Variants in C10orf71 observed in about 807,000 individuals in gnomAD.
C10orf71 encodes the protein cardiac-enriched FHL2-interacting protein.
For synonymous variants in C10orf71, 758 were observed against 726.3 expected (o/e 1.04, Z -0.70); for missense variants, 1,869 against 1,804.5 (o/e 1.04, Z -0.65).
Position 49,325,462 on chromosome 10 carries a change from C to T in C10orf71, c.2917C>T (p.Pro973Ser). Reference protein sequence around the residue: ...LVGEGDRVKAPPDAAPGLVAS... With the variant: ...LVGEGDRVKASPDAAPGLVAS... Reference sequence around the variant, plus strand: ...GGGAGAGGGGGACCGGGTGAAGGCACCACCAGATGCTGCACCTGGCCTCGT... The same window carrying T: ...GGGAGAGGGGGACCGGGTGAAGGCATCACCAGATGCTGCACCTGGCCTCGT... The change falls in exon 3 of 3, where the codon CCA becomes TCA. Residue 973 changes from proline (P) to serine (S), a missense_variant. By Grantham distance (74) the Pro-to-Ser change is moderately conservative. Coordinates refer to ENST00000374144, the MANE Select transcript of C10orf71 (RefSeq NM_001135196.2). 2 of 1,550,446 alleles carry T rather than the reference C, an allele frequency of 1.3e-6. No homozygotes were observed. Among genetic ancestry groups the T allele is most frequent in the Non-Finnish European group, 8.7e-7 (1 of 1,146,118 alleles).
intron 1 of C10orf71, among the ~76,000 whole-genome samples, chr10:49,311,048 C>T (rs532707577): frequency 5.9e-5 from 9 of 152,164 alleles, no homozygotes; most frequent in African/African-American, 2.2e-4. Context: ...TGTGCAGTGT[C>T]CCCAGGACCA....
intron 1 of C10orf71, among the ~76,000 whole-genome samples, chr10:49,301,144 G>A (rs1848722186): frequency 6.6e-6 from 1 of 152,158 alleles, no homozygotes; most frequent in Non-Finnish European, 1.5e-5. Flanking sequence ...GAACTGGGCC[G>A]TCTTCCTCAT....
intron 2 of C10orf71, among the ~76,000 whole-genome samples, chr10:49,319,741 CA>C (rs1849063603): frequency 1.3e-5 from 1 of 74,638 alleles, no homozygotes; most frequent in South Asian, 4.8e-4. Context: ...TATACACATA[CA>C]TATATGTGGG....
chr10:49,304,287 G>T (rs1223599154), intron 1 of C10orf71, among the ~76,000 whole-genome samples: 1 of 152,202 alleles, frequency 6.6e-6, no homozygotes, highest in South Asian at 2.1e-4. Context: ...GAGAGACCTG[G>T]CCCTGAATCC....
In C10orf71 at chr10:49,325,513, G is replaced by T. The variant is rs1469885083; in HGVS notation, c.2968G>T (p.Ala990Ser). 6.4e-7 allele frequency: 1 copy of T among 1,550,974 alleles called. No individual in the cohort carries two copies. The highest frequency in any genetic ancestry group is 8.7e-7 in the Non-Finnish European group (1 of 1,146,462). ...LVASNCKSGSADSGKLAAPWH... is the reference protein window; with the variant it reads ...LVASNCKSGSSDSGKLAAPWH... ...GGCAAGCAATTGCAAGAGCGGTTCT[G>T]CAGACTCAGGGAAGCTGGCAGCCCC... The change falls in exon 3 of 3, where the codon GCA becomes TCA. Residue 990 changes from alanine to serine, a missense_variant. Ala to Ser is a moderately conservative substitution (Grantham distance 99, BLOSUM62 1). Coordinates refer to ENST00000374144, the MANE Select transcript of C10orf71 (RefSeq NM_001135196.2).
At chr10:49,301,777 C>A (rs926117803) in intron 1 of C10orf71, among the ~76,000 whole-genome samples, 1 of 152,218 alleles carries the variant, frequency 6.6e-6, no homozygotes, top group African/African-American at 2.4e-5. Context: ...ATCCCAACAA[C>A]CAATCAACCA....
Position 49,324,968 on chromosome 10 carries a change from C to G in C10orf71, c.2423C>G (p.Ser808Cys), listed in dbSNP as rs1849191462. The G allele has an allele frequency of 1.9e-6, 3 of 1,550,840 alleles. No individual in the cohort carries two copies. Residue 808 changes from serine (S) to cysteine (C), a missense_variant, in exon 3 of 3, where the codon TCT becomes TGT. Coordinates refer to ENST00000374144, the MANE Select transcript of C10orf71 (RefSeq NM_001135196.2). ...TTGCAAAGAGAAAGGGAAAGTGTGT[C>G]TGGAGGAAGAACCAGGAAGGCATCA... ...EALQRERESV[S>C]GGRTRKASAE...
At chr10:49,303,350 C>T (rs542610110) in intron 1 of C10orf71, among the ~76,000 whole-genome samples, 1 of 152,264 alleles carries the variant, frequency 6.6e-6, no homozygotes, top group East Asian at 1.9e-4. Flanking sequence ...CTGAACCAGG[C>T]TCAGGACAAG....
chr10:49,309,383 G>C (rs546812805), intron 1 of C10orf71, among the ~76,000 whole-genome samples: 4 of 152,276 alleles, frequency 2.6e-5, no homozygotes, highest in Admixed American at 2.6e-4. Flanking sequence ...TCTCTCTGCT[G>C]TATGAGAATA....
Position 49,326,693 on chromosome 10 carries a change from A to C in C10orf71, c.4148A>C (p.Gln1383Pro). Reference protein sequence around the residue: ...RTQSVHESGLQLDPGPHGDCT... With the variant: ...RTQSVHESGLPLDPGPHGDCT... Reference sequence around the variant, plus strand: ...CAGAGTGTCCACGAGTCTGGACTACAGCTGGACCCAGGGCCTCACGGTGAC... The same window carrying C: ...CAGAGTGTCCACGAGTCTGGACTACCGCTGGACCCAGGGCCTCACGGTGAC... The change falls in exon 3 of 3, where the codon CAG becomes CCG. Residue 1383 changes from glutamine (Q) to proline (P), a missense_variant. Gln to Pro is a moderately conservative substitution (Grantham distance 76, BLOSUM62 -1). Coordinates refer to ENST00000374144, the MANE Select transcript of C10orf71 (RefSeq NM_001135196.2). The C allele has an allele frequency of 6.4e-7, 1 of 1,551,098 alleles. No homozygotes were observed. The highest frequency in any genetic ancestry group is 8.7e-7 in the Non-Finnish European group (1 of 1,146,944).
rs144459463 is a variant in C10orf71 at position 49,305,854 on chromosome 10, T to C, written c.-248+6621T>C. Reference sequence around the variant, plus strand: ...AGAGTTTTTTTTAAATCACTATAGATCATAAGTCATTACTGAGTCCTGAAA... The same window carrying C: ...AGAGTTTTTTTTAAATCACTATAGACCATAAGTCATTACTGAGTCCTGAAA... On this transcript the variant is annotated intron_variant, in intron 1 of 2. Coordinates refer to ENST00000374144, the MANE Select transcript of C10orf71 (RefSeq NM_001135196.2). Among the ~76,000 whole-genome samples the C allele has an allele frequency of 5.6e-3, 846 of 152,350 alleles. 30 individuals carry two copies. The highest frequency in any genetic ancestry group is 0.049 in the Admixed American group (755 of 15,304).
chr10:49,325,885 AC>A lies in C10orf71; in HGVS notation c.3343del (p.His1115ThrfsTer49). On this transcript the variant is annotated frameshift_variant, in exon 3 of 3. Coordinates refer to ENST00000374144, the MANE Select transcript of C10orf71 (RefSeq NM_001135196.2). LOFTEE classifies it low-confidence loss of function (END_TRUNC). Reference sequence around the variant, plus strand: ...CAGGGTCACCCGGAGGGAGGACCTGACCCACGCCCTCGTGTGGGAGGGCGGC... The same window carrying A: ...CAGGGTCACCCGGAGGGAGGACCTGACCACGCCCTCGTGTGGGAGGGCGGC... ...PARVTRREDL[T>X]HALVWEGGSD... 1 of 1,550,074 alleles carries A rather than the reference AC, an allele frequency of 6.5e-7. No individual in the cohort carries two copies. The highest frequency in any genetic ancestry group is 8.7e-7 in the Non-Finnish European group (1 of 1,145,878).
chr10:49,322,844 A>G lies in C10orf71; in HGVS notation c.299A>G (p.Gln100Arg), dbSNP rs756502334. 1 of 1,613,950 alleles carries G rather than the reference A, an allele frequency of 6.2e-7. No individual in the cohort carries two copies. The highest frequency in any genetic ancestry group is 8.5e-7 in the Non-Finnish European group (1 of 1,179,896). The change falls in exon 3 of 3, where the codon CAA becomes CGA. Residue 100 changes from glutamine (Q) to arginine (R), a missense_variant. Physicochemically the swap from Gln to Arg is conservative, Grantham distance 43. Coordinates refer to ENST00000374144, the MANE Select transcript of C10orf71 (RefSeq NM_001135196.2). ...TEHSGWAATFQQLPKYVQGEE... is the reference protein window; with the variant it reads ...TEHSGWAATFRQLPKYVQGEE... Reference sequence around the variant, plus strand: ...CATTCGGGCTGGGCGGCCACCTTCCAACAGCTACCCAAGTACGTTCAGGGA... The same window carrying G: ...CATTCGGGCTGGGCGGCCACCTTCCGACAGCTACCCAAGTACGTTCAGGGA...
upstream of C10orf71, among the ~76,000 whole-genome samples, chr10:49,297,807 C>T (rs372671539): frequency 2.0e-5 from 3 of 152,138 alleles, no homozygotes; most frequent in Admixed American, 6.5e-5. Flanking sequence ...TTTTGGCATG[C>T]GTTTGTTTTG....
At chr10:49,316,699 G>A (rs192561759) in intron 2 of C10orf71, among the ~76,000 whole-genome samples, 19 of 152,290 alleles carry the variant, frequency 1.2e-4, no homozygotes, top group Admixed American at 3.3e-4. Flanking sequence ...GTCCCAGAGC[G>A]TAGTGAAAGC....
chr10:49,322,343 A>C (rs1849107597), intron 2 of C10orf71, 59 bp from the exon 3 acceptor site: 2 of 558,062 alleles, frequency 3.6e-6, no homozygotes, highest in Non-Finnish European at 6.1e-6. Flanking sequence ...CTGAACCAGC[A>C]CATATTCTTG....
chr10:49,324,438 C>T lies in C10orf71; in HGVS notation c.1893C>T (p.Ser631=). The stretch of plus-strand genomic sequence containing the variant: ...TGGAGATGGGTCCTGCCGGATCCAG[C>T]TGGTGTCCAGACTCCAGGGAACACC... The part of the protein sequence containing the change: ...GELEMGPAGS[S]WCPDSREHRP... The change falls in exon 3 of 3, where the codon AGC becomes AGT. Residue 631 remains serine (S), a synonymous_variant. Coordinates refer to ENST00000374144, the MANE Select transcript of C10orf71 (RefSeq NM_001135196.2). 6.2e-7 allele frequency: 1 copy of T among 1,608,812 alleles called. No homozygotes were observed. The highest frequency in any genetic ancestry group is 8.5e-7 in the Non-Finnish European group (1 of 1,177,382).
Position 49,320,600 on chromosome 10 carries a change from G to A in C10orf71, c.-144-1802G>A, listed in dbSNP as rs559965749. On this transcript the variant is annotated intron_variant, in intron 2 of 2. Coordinates refer to ENST00000374144, the MANE Select transcript of C10orf71 (RefSeq NM_001135196.2). Reference sequence around the variant, plus strand: ...AAAATAAACCATGCACAGTGAGAGAGATGAGCAAGGAGGGAACACCCATGG... The same window carrying A: ...AAAATAAACCATGCACAGTGAGAGAAATGAGCAAGGAGGGAACACCCATGG... 1.3e-4 allele frequency among the ~76,000 whole-genome samples: 20 copies of A among 152,352 alleles called. No individual in the cohort carries two copies. The South Asian group carries it at 3.3e-3, about 25-fold the overall frequency.
intron 1 of C10orf71, among the ~76,000 whole-genome samples, chr10:49,307,263 G>A (rs1437657080): frequency 2.6e-5 from 4 of 152,244 alleles, no homozygotes; most frequent in Non-Finnish European, 4.4e-5. Context: ...ACGAGGAGAA[G>A]CCAAGGGCTC....
Sources: allele counts gnomAD v4.1 joint callset (sites outside exome capture counted in the v4.1 genomes callset), GRCh38; gene constraint gnomAD v4.1.1; transcripts MANE v1.5; gene names NCBI Gene and HGNC (gene_info 2026-07-23, HGNC 2026-07-21).